Variants in C10orf90 observed in about 807,000 individuals in gnomAD.
C10orf90 encodes the protein chromosome 10 open reading frame 90.
A neutral mutation model predicts 62.5 loss-of-function variants in C10orf90; 56 were observed. The observed-to-expected ratio is 0.90, with a 90% CI of 0.72 to 1.12. C10orf90 has a LOEUF of 1.12. Among genes scored for constraint, C10orf90 ranks in the 50% most tolerant of loss-of-function variants. The pLI is 0.00. For synonymous variants in C10orf90, 386 were observed against 340.4 expected (o/e 1.13, Z -1.47); for missense variants, 970 against 880.4 (o/e 1.10, Z -1.29).
intron 4 of C10orf90, among the ~76,000 whole-genome samples, chr10:126,490,291 G>A (rs1249075209): frequency 1.3e-5 from 2 of 151,138 alleles, no homozygotes; most frequent in Non-Finnish European, 2.9e-5. Context: ...GATATTGTAC[G>A]ATTTCACTTA....
chr10:126,563,456 G>C (rs1170879996), intron 2 of C10orf90, among the ~76,000 whole-genome samples: 1 of 152,162 alleles, frequency 6.6e-6, no homozygotes, highest in Non-Finnish European at 1.5e-5. Context: ...TGCAGCGTGG[G>C]AAAGAAGGGC....
intron 7 of C10orf90, among the ~76,000 whole-genome samples, chr10:126,435,970 C>A (rs559745281): frequency 6.6e-6 from 1 of 152,232 alleles, no homozygotes; most frequent in African/African-American, 2.4e-5. Context: ...ATTTTTATTT[C>A]TTGGCTGGTT....
intron 1 of C10orf90, among the ~76,000 whole-genome samples, chr10:126,664,515 G>C (rs1005420017): frequency 6.6e-6 from 1 of 152,132 alleles, no homozygotes. Flanking sequence ...AATTGCCAAG[G>C]TCACTTAGCT....
intron 2 of C10orf90, among the ~76,000 whole-genome samples, chr10:126,599,748 T>C (rs1845159709): frequency 6.6e-6 from 1 of 152,156 alleles, no homozygotes; most frequent in Admixed American, 6.5e-5. Flanking sequence ...ATTAAAGTGC[T>C]TTTTTCTCTT....
intron 2 of C10orf90, among the ~76,000 whole-genome samples, chr10:126,522,043 T>G (rs1591065096): frequency 6.6e-6 from 1 of 151,918 alleles, no homozygotes; most frequent in Non-Finnish European, 1.5e-5. Flanking sequence ...CCAAGGTGGG[T>G]GGATCCCCTA....
chr10:126,571,880 G>T (rs1042232628), intron 2 of C10orf90, among the ~76,000 whole-genome samples: 1 of 152,142 alleles, frequency 6.6e-6, no homozygotes, highest in Non-Finnish European at 1.5e-5. Context: ...AGGTAGTCAG[G>T]CCTTATACAC....
rs551338964 is a variant in C10orf90 at position 126,568,524 on chromosome 10, C to G, written c.314-54585G>C. On this transcript the variant is annotated intron_variant, in intron 2 of 9. Coordinates refer to ENST00000488181, the MANE Select transcript of C10orf90 (RefSeq NM_001350921.2). Reference sequence around the variant, plus strand: ...AGGGCAGGACCTTTTCATGGGCTCACTGGTTTAGTCAGACACACCCTGATA... The same window carrying G: ...AGGGCAGGACCTTTTCATGGGCTCAGTGGTTTAGTCAGACACACCCTGATA... Among the ~76,000 whole-genome samples, 15 of 152,318 alleles carry G rather than the reference C, an allele frequency of 9.8e-5. No individual in the cohort carries two copies. In the South Asian group the frequency reaches 3.1e-3, roughly 32 times the overall value.
At chr10:126,551,373 C>G (rs904354991) in intron 2 of C10orf90, among the ~76,000 whole-genome samples, 1 of 152,240 alleles carries the variant, frequency 6.6e-6, no homozygotes, top group Non-Finnish European at 1.5e-5. Context: ...TCCTCCCCCA[C>G]TAGACTGGAA....
At chr10:126,585,835 T>A (rs918082411) in intron 2 of C10orf90, among the ~76,000 whole-genome samples, 1 of 152,110 alleles carries the variant, frequency 6.6e-6, no homozygotes, top group African/African-American at 2.4e-5. Context: ...CCAGACCACA[T>A]CATCAACTTC....
At chr10:126,516,849 T>G (rs1050680598) in intron 2 of C10orf90, among the ~76,000 whole-genome samples, 1 of 152,204 alleles carries the variant, frequency 6.6e-6, no homozygotes, top group East Asian at 1.9e-4. Context: ...AGAATTCTCT[T>G]CCTTGCCTTT....
chr10:126,655,918 TG>T (rs367578126), intron 1 of C10orf90, among the ~76,000 whole-genome samples: 3 of 151,540 alleles, frequency 2.0e-5, no homozygotes, highest in Non-Finnish European at 2.9e-5. Context: ...GCCCTGGGCC[TG>T]GGGGGGAGAA....
intron 2 of C10orf90, among the ~76,000 whole-genome samples, chr10:126,531,145 G>A (rs978281436): frequency 2.0e-5 from 3 of 150,242 alleles, no homozygotes; most frequent in Admixed American, 2.0e-4. Context: ...CTGCACTCCA[G>A]CCTGGCCAAA....
chr10:126,537,408 C>G (rs1027565475), intron 2 of C10orf90, among the ~76,000 whole-genome samples: 1 of 152,304 alleles, frequency 6.6e-6, no homozygotes, highest in East Asian at 1.9e-4. Flanking sequence ...ACCTAGCCCC[C>G]CAAAACTCCT....
At chr10:126,426,582 G>A (rs376288426) in intron 8 of C10orf90, among the ~76,000 whole-genome samples, 37 of 152,260 alleles carry the variant, frequency 2.4e-4, no homozygotes, top group South Asian at 8.3e-4. Context: ...ACACATATAA[G>A]TGTGTGTGTT....
chr10:126,653,268 T>C (rs963827597), intron 1 of C10orf90, among the ~76,000 whole-genome samples: 5 of 152,216 alleles, frequency 3.3e-5, no homozygotes, highest in African/African-American at 4.8e-5. Context: ...CTCTGTAGCA[T>C]GTGAAGTTGT....
At chr10:126,426,635 G>A (rs997458155) in intron 8 of C10orf90, among the ~76,000 whole-genome samples, 6 of 152,264 alleles carry the variant, frequency 3.9e-5, no homozygotes, top group Middle Eastern at 3.4e-3. Flanking sequence ...GGGCCCAGGG[G>A]ATCTTCCTCT....
chr10:126,587,721 G>T (rs1006403354), intron 2 of C10orf90, among the ~76,000 whole-genome samples: 1 of 152,204 alleles, frequency 6.6e-6, no homozygotes. Flanking sequence ...ATATTTTGTA[G>T]ACACTTATTA....
intron 4 of C10orf90, among the ~76,000 whole-genome samples, chr10:126,490,045 A>ATGT (rs1266141371): frequency 4.0e-4 from 38 of 94,504 alleles, no homozygotes; most frequent in South Asian, 2.7e-3. Flanking sequence ...AATATATATT[A>ATGT]TATATTATGT....
At chr10:126,441,517 G>T (rs1443259127) in intron 7 of C10orf90, among the ~76,000 whole-genome samples, 2 of 152,104 alleles carry the variant, frequency 1.3e-5, no homozygotes, top group African/African-American at 4.8e-5. Context: ...ACATCCAAGT[G>T]CAAGAAGCAC....
Sources: allele counts gnomAD v4.1 joint callset (sites outside exome capture counted in the v4.1 genomes callset), GRCh38; gene constraint gnomAD v4.1.1; transcripts MANE v1.5; gene names NCBI Gene and HGNC (gene_info 2026-07-23, HGNC 2026-07-21).